Variants in ERBB4 observed in about 807,000 individuals in gnomAD.
ERBB4 encodes erb-b2 receptor tyrosine kinase 4.
Under a neutral mutation model 158.0 loss-of-function variants are expected in ERBB4, and 42 were observed. The ratio of observed to expected loss-of-function variants is 0.27; its 90% CI spans 0.21 to 0.34. The LOEUF is 0.34. Ranked by LOEUF, ERBB4 falls within the 10% of genes least tolerant of loss-of-function variation. The pLI, the probability that ERBB4 is intolerant of heterozygous loss-of-function variation, is 1.00. For missense variants in ERBB4, 1,333 were observed against 1,624.1 expected (o/e 0.82, Z 3.08); for synonymous variants, 583 against 558.7 (o/e 1.04, Z -0.61).
intron 2 of ERBB4, among the ~76,000 whole-genome samples, chr2:211,977,143 C>T (rs2102996): frequency 0.069 from 10,426 of 152,140 alleles, 685 homozygotes; most frequent in East Asian, 0.27. Flanking sequence ...GGTTAATAAA[C>T]TGATAAGTGC....
chr2:212,328,494 AG>A (rs376751530), intron 1 of ERBB4, among the ~76,000 whole-genome samples: 5 of 152,168 alleles, frequency 3.3e-5, no homozygotes, highest in Admixed American at 6.5e-5. Flanking sequence ...CACACTACAG[AG>A]TAGCATATGA....
At chr2:211,670,972 G>A (rs1293101154) in intron 14 of ERBB4, among the ~76,000 whole-genome samples, 3 of 152,188 alleles carry the variant, frequency 2.0e-5, no homozygotes, top group Admixed American at 6.5e-5. Context: ...GATGGTAAGC[G>A]AACATCAAGT....
chr2:211,712,907 T>G (rs2073758551), intron 8 of ERBB4, among the ~76,000 whole-genome samples: 1 of 152,028 alleles, frequency 6.6e-6, no homozygotes, highest in African/African-American at 2.4e-5. Flanking sequence ...TTTGAAAAGT[T>G]TAATAACATT....
intron 2 of ERBB4, among the ~76,000 whole-genome samples, chr2:211,962,532 A>C (rs2125178345): frequency 6.6e-6 from 1 of 152,268 alleles, no homozygotes; most frequent in East Asian, 1.9e-4. Context: ...ACACCAGGCA[A>C]TGGGGAATTA....
chr2:211,914,423 C>T (rs145521697), intron 3 of ERBB4, among the ~76,000 whole-genome samples: 46 of 152,022 alleles, frequency 3.0e-4, no homozygotes, highest in African/African-American at 8.7e-4. Flanking sequence ...TAGAAAACAT[C>T]CTTGATTATT....
intron 1 of ERBB4, among the ~76,000 whole-genome samples, chr2:212,154,446 C>T (rs2080971702): frequency 6.6e-6 from 1 of 152,088 alleles, no homozygotes; most frequent in African/African-American, 2.4e-5. Context: ...AACATATGTG[C>T]ATAGTTTTCT....
At chr2:212,215,328 T>A (rs1040414006) in intron 1 of ERBB4, among the ~76,000 whole-genome samples, 1 of 151,510 alleles carries the variant, frequency 6.6e-6, no homozygotes, top group East Asian at 1.9e-4. Flanking sequence ...CACTATATAA[T>A]TATGTACATT....
chr2:212,107,946 C>T lies in ERBB4; in HGVS notation c.234+16806G>A, dbSNP rs567295310. ...CACGTGGAACTGTGAATCCATTAAA[C>T]CTTTTTTCTTTTTAAATTACACAGT... On this transcript the variant is annotated intron_variant, in intron 2 of 27. Transcript: ENST00000342788. 1.2e-4 allele frequency among the ~76,000 whole-genome samples: 19 copies of T among 152,278 alleles called. 1 individual carries two copies. In the Middle Eastern group the frequency reaches 0.01, roughly 82 times the overall value.
intron 1 of ERBB4, among the ~76,000 whole-genome samples, chr2:212,228,641 G>T (rs531905461): frequency 6.6e-6 from 1 of 152,166 alleles, no homozygotes; most frequent in Admixed American, 6.5e-5. Context: ...ATGTGAGATG[G>T]CAGATAAAAA....
At chr2:211,710,874 G>A (rs561472307) in intron 9 of ERBB4, among the ~76,000 whole-genome samples, 9 of 151,930 alleles carry the variant, frequency 5.9e-5, no homozygotes, top group African/African-American at 1.7e-4. Context: ...TGAGTCCACC[G>A]AACCTCTTTT....
intron 3 of ERBB4, among the ~76,000 whole-genome samples, chr2:211,866,227 G>A (rs1156691545): frequency 6.6e-6 from 1 of 152,100 alleles, no homozygotes; most frequent in Non-Finnish European, 1.5e-5. Context: ...GTCCAGCCTG[G>A]GCAACAGAGC....
chr2:211,927,586 T>C (rs890252626), intron 3 of ERBB4, among the ~76,000 whole-genome samples: 1 of 152,098 alleles, frequency 6.6e-6, no homozygotes, highest in African/African-American at 2.4e-5. Flanking sequence ...AGGCTCCACA[T>C]TAACAGAATG....
intron 3 of ERBB4, among the ~76,000 whole-genome samples, chr2:211,917,597 A>G (rs1263183046): frequency 6.6e-6 from 1 of 152,204 alleles, no homozygotes; most frequent in Non-Finnish European, 1.5e-5. Flanking sequence ...CTACAATCCT[A>G]TACAGCCTCT....
intron 4 of ERBB4, among the ~76,000 whole-genome samples, chr2:211,765,994 C>T (rs145787950): frequency 2.1e-3 from 325 of 152,260 alleles, no homozygotes; most frequent in African/African-American, 7.3e-3. Context: ...ATAAAAGTGG[C>T]TGATCAAGAT....
At chr2:212,281,313 G>A (rs1175174580) in intron 1 of ERBB4, among the ~76,000 whole-genome samples, 1 of 151,710 alleles carries the variant, frequency 6.6e-6, no homozygotes, top group Admixed American at 6.6e-5. Flanking sequence ...GAAGTGAGAT[G>A]TTACGGGAAT....
intron 2 of ERBB4, among the ~76,000 whole-genome samples, chr2:212,057,359 T>C (rs1205332600): frequency 6.6e-6 from 1 of 152,092 alleles, no homozygotes; most frequent in Admixed American, 6.5e-5. Flanking sequence ...CTGTCAACAT[T>C]AGACAGATCA....
chr2:211,895,770 G>A (rs1378702041), intron 3 of ERBB4, among the ~76,000 whole-genome samples: 1 of 151,986 alleles, frequency 6.6e-6, no homozygotes, highest in South Asian at 2.1e-4. Flanking sequence ...TCCTTCAATT[G>A]TCCCTGAAAT....
chr2:212,327,750 G>A (rs2087924536), intron 1 of ERBB4, among the ~76,000 whole-genome samples: 1 of 131,074 alleles, frequency 7.6e-6, no homozygotes, highest in East Asian at 2.2e-4. Context: ...TTGTAGGGGA[G>A]AGAAACGTTC....
At chr2:211,565,043 G>A (rs1375392380) in intron 19 of ERBB4, among the ~76,000 whole-genome samples, 2 of 152,178 alleles carry the variant, frequency 1.3e-5, no homozygotes, top group Non-Finnish European at 2.9e-5. Context: ...GAGGAGCTAA[G>A]AGGGGAGTGG....
Sources: gnomAD v4.1 joint callset for allele counts (sites outside exome capture counted in the v4.1 genomes callset) on GRCh38, gnomAD v4.1.1 for gene constraint, MANE v1.5 for transcripts, NCBI Gene and HGNC (gene_info 2026-07-23, HGNC 2026-07-21) for gene names.